The following GAB1 variants were observed in gnomAD, a reference collection of about 807,000 sequenced individuals.
The protein encoded by GAB1 is GRB2-associated-binding protein 1.
GAB1 carries 19 observed loss-of-function variants against 66.5 expected under a neutral mutation model. That is an observed-to-expected ratio of 0.29 (90% CI 0.20 to 0.42). GAB1 has a LOEUF of 0.42. Among genes scored for constraint, GAB1 ranks in the 10% least tolerant of loss-of-function variants. The probability of loss-of-function intolerance (pLI) is 1.00; values close to 1 mark genes in which losing one functional copy is unlikely to be tolerated. For synonymous variants in GAB1, 294 were observed against 301.4 expected (o/e 0.98, Z 0.25); for missense variants, 732 against 858.5 (o/e 0.85, Z 1.84).
intron 1 of GAB1, 66 bp from the exon 2 acceptor site, chr4:143,415,411 A>G: frequency 1.6e-6 from 2 of 1,212,738 alleles, no homozygotes; most frequent in South Asian, 1.5e-5. Flanking sequence ...AGTTTGATAA[A>G]TGTGCATCTT....
At chr4:143,373,864 A>ATATATATATAT (rs1553945752) in intron 1 of GAB1, among the ~76,000 whole-genome samples, 3 of 50,844 alleles carry the variant, frequency 5.9e-5, no homozygotes, top group African/African-American at 2.1e-4. Context: ...TCTGTAAATA[A>ATATATATATAT]ATAAATATAT....
chr4:143,400,959 A>G (rs1277687654), intron 1 of GAB1, among the ~76,000 whole-genome samples: 1 of 145,368 alleles, frequency 6.9e-6, no homozygotes, highest in African/African-American at 2.6e-5. Context: ...ACAGAGCAAG[A>G]CTCCATCACA....
rs148419340 is a variant in GAB1, at chr4:143,451,128, G to T, written c.1586-8257G>T. 5.6e-3 allele frequency among the ~76,000 whole-genome samples: 854 copies of T among 152,260 alleles called. 10 individuals are homozygous for T. The highest frequency in any genetic ancestry group is 0.019 in the African/African-American group (801 of 41,550). ...AAGTAAACACATTATCATAATTACCGTGGAAGGGGCTGTGGTTGAAGTAAA... is the reference window on the plus strand; with the variant it reads ...AAGTAAACACATTATCATAATTACCTTGGAAGGGGCTGTGGTTGAAGTAAA... On this transcript the variant is annotated intron_variant, in intron 6 of 9. Coordinates refer to ENST00000262994, the MANE Select transcript of GAB1 (RefSeq NM_002039.4).
At chr4:143,361,150 A>C (rs1470830504) in intron 1 of GAB1, among the ~76,000 whole-genome samples, 1 of 152,074 alleles carries the variant, frequency 6.6e-6, no homozygotes, top group Non-Finnish European at 1.5e-5. Context: ...TTCTTTTGCA[A>C]TACGCAACCT....
chr4:143,438,016 C>T lies in GAB1; in HGVS notation c.611C>T (p.Ala204Val). The T allele has an allele frequency of 6.2e-7, 1 of 1,611,904 alleles. No individual in the cohort carries two copies. The change falls in exon 4 of 10, where the codon GCA becomes GTA. Residue 204 changes from alanine to valine, a missense_variant. Ala to Val is a moderately conservative substitution (Grantham distance 64). Coordinates refer to ENST00000262994, the MANE Select transcript of GAB1 (RefSeq NM_002039.4). ...TTATTTAGAACGCATGCTGATTCTGCAAAATCCACCTCTTCTGAAACAGAC... is the reference window on the plus strand; with the variant it reads ...TTATTTAGAACGCATGCTGATTCTGTAAAATCCACCTCTTCTGAAACAGAC... ...PEPTRTHADS[A>V]KSTSSETDCN... is the part of the protein sequence containing the mutation.
At chr4:143,375,289 A>T (rs1730365833) in intron 1 of GAB1, among the ~76,000 whole-genome samples, 1 of 152,218 alleles carries the variant, frequency 6.6e-6, no homozygotes, top group African/African-American at 2.4e-5. Context: ...TTTCTAGCTG[A>T]ATTGATCTAT....
chr4:143,352,457 T>G (rs1418806624), intron 1 of GAB1, among the ~76,000 whole-genome samples: 1 of 152,224 alleles, frequency 6.6e-6, no homozygotes, highest in Non-Finnish European at 1.5e-5. Flanking sequence ...TTTTCTCTTT[T>G]CAGATGATCT....
chr4:143,441,379 A>G (rs990316929), intron 6 of GAB1, among the ~76,000 whole-genome samples: 2 of 152,218 alleles, frequency 1.3e-5, no homozygotes, highest in Non-Finnish European at 2.9e-5. Flanking sequence ...CATGTGCTAT[A>G]TGTAGCTTTT....
At chr4:143,340,836 C>T (rs756457548) in intron 1 of GAB1, among the ~76,000 whole-genome samples, 5 of 152,178 alleles carry the variant, frequency 3.3e-5, no homozygotes, top group Non-Finnish European at 7.3e-5. Context: ...AAAGCCATCT[C>T]ATATATGGCC....
chr4:143,365,982 T>C (rs976135733), intron 1 of GAB1, among the ~76,000 whole-genome samples: 21 of 152,238 alleles, frequency 1.4e-4, no homozygotes, highest in African/African-American at 5.1e-4. Flanking sequence ...TACATTAAAA[T>C]GAATTTCATT....
In GAB1 at chr4:143,438,117, C is replaced by G; in HGVS notation, c.712C>G (p.Gln238Glu). 1 of 1,614,040 alleles carries G rather than the reference C, an allele frequency of 6.2e-7. No homozygotes were observed. The highest frequency in any genetic ancestry group is 8.5e-7 in the Non-Finnish European group (1 of 1,179,990). The change falls in exon 4 of 10, where the codon CAG becomes GAG. Residue 238 changes from glutamine (Q) to glutamate (E), a missense_variant. By Grantham distance (29) the Gln-to-Glu change is conservative (BLOSUM62 2). This residue lies in a region of GAB1 where 427 missense variants were observed against 420.6 expected (regional missense o/e 1.02). Transcript: ENST00000262994. ...SKHGMNGFFQ[Q>E]QMIYDSPPSR... ...ACATGGAATGAATGGCTTTTTTCAG[C>G]AGCAAATGATATACGACTCTCCACC...
chr4:143,438,077 T>C lies in GAB1; in HGVS notation c.672T>C (p.Ala224=). 1 of 1,614,140 alleles carries C rather than the reference T, an allele frequency of 6.2e-7. No individual in the cohort carries two copies. The highest frequency in any genetic ancestry group is 1.1e-5 in the South Asian group (1 of 91,086). ...ACGTCCCTTCTCATAAAAATCCTGCTTCCTCCCAGAGCAAACATGGAATGA... is the reference window on the plus strand; with the variant it reads ...ACGTCCCTTCTCATAAAAATCCTGCCTCCTCCCAGAGCAAACATGGAATGA... ...NDNVPSHKNP[A]SSQSKHGMNG... The change falls in exon 4 of 10, where the codon GCT becomes GCC. Residue 224 remains alanine, a synonymous_variant. Coordinates refer to ENST00000262994, the MANE Select transcript of GAB1 (RefSeq NM_002039.4).
chr4:143,415,557 T>A lies in GAB1; in HGVS notation c.153T>A (p.Asp51Glu). 6.2e-7 allele frequency: 1 copy of A among 1,613,534 alleles called. No individual in the cohort carries two copies. The highest frequency in any genetic ancestry group is 1.3e-5 in the African/African-American group (1 of 75,064). Reference sequence around the variant, plus strand: ...ATGTTTTGGAATATTACAAAAATGATCATGCCAAGAAGCCTATTCGTATTA... The same window carrying A: ...ATGTTTTGGAATATTACAAAAATGAACATGCCAAGAAGCCTATTCGTATTA... ...DPDVLEYYKN[D>E]HAKKPIRIID... is the part of the protein sequence containing the mutation. Residue 51 changes from aspartate to glutamate, a missense_variant, in exon 2 of 10, where the codon GAT becomes GAA. This residue lies in a region of GAB1 where 66 missense variants were observed against 130.3 expected (regional missense o/e 0.51). Transcript: ENST00000262994.
intron 1 of GAB1, among the ~76,000 whole-genome samples, chr4:143,410,192 CAGT>C (rs1339488128): frequency 6.6e-6 from 1 of 152,166 alleles, no homozygotes; most frequent in African/African-American, 2.4e-5. Flanking sequence ...TTAGCTCTTC[CAGT>C]AAAGGTACAG....
At chr4:143,431,466 TTTTAA>T (rs1733648005) in intron 2 of GAB1, among the ~76,000 whole-genome samples, 1 of 152,214 alleles carries the variant, frequency 6.6e-6, no homozygotes, top group Non-Finnish European at 1.5e-5. Context: ...GGATATCCAC[TTTTAA>T]TTAAGCTGAG....
At chr4:143,461,518 GC>G (rs1735492346) in intron 8 of GAB1, among the ~76,000 whole-genome samples, 3 of 152,166 alleles carry the variant, frequency 2.0e-5, no homozygotes, top group Admixed American at 2.0e-4. Context: ...GAAGGGTACA[GC>G]CCAACTGCCT....
At chr4:143,368,761 C>A (rs1239064863) in intron 1 of GAB1, among the ~76,000 whole-genome samples, 2 of 152,170 alleles carry the variant, frequency 1.3e-5, no homozygotes, top group African/African-American at 4.8e-5. Context: ...TAAAGAAATA[C>A]TTGGTGCTTT....
At chr4:143,460,601 G>A in intron 8 of GAB1, 114 bp downstream of exon 8, 1 of 888,452 alleles carries the variant, frequency 1.1e-6, no homozygotes, top group Non-Finnish European at 1.6e-6. Context: ...AGAAAAAGCA[G>A]TAAAAGACAA....
At chr4:143,349,920 C>T (rs1729129797) in intron 1 of GAB1, 4 of 1,579,504 alleles carry the variant, frequency 2.5e-6, no homozygotes, top group Admixed American at 1.7e-5. Context: ...GATAGATCTC[C>T]TCCAGGGACT....
Sources: gnomAD v4.1 joint callset for allele counts (sites outside exome capture counted in the v4.1 genomes callset) on GRCh38, gnomAD v4.1.1 for gene constraint, gnomAD v4.1.1 regional missense constraint, MANE v1.5 for transcripts, NCBI Gene and HGNC (gene_info 2026-07-23, HGNC 2026-07-21) for gene names.